Variants in MYO6 observed in about 807,000 individuals in gnomAD.
MYO6 encodes myosin VI, also known as unconventional myosin-VI.
MYO6 carries 74 observed loss-of-function variants against 178.7 expected under a neutral mutation model. That is an observed-to-expected ratio of 0.41 (90% confidence interval 0.34 to 0.50). The LOEUF is 0.50. Ranked by LOEUF, MYO6 falls within the 20% of genes least tolerant of loss-of-function variation. The pLI, the probability that MYO6 is intolerant of heterozygous loss-of-function variation, is 0.09. For missense variants in MYO6, 1,330 were observed against 1,547.4 expected (o/e 0.86, Z 2.36); for synonymous variants, 477 against 504.6 (o/e 0.95, Z 0.73).
chr6:75,836,094 G>C lies in MYO6; in HGVS notation c.553+138G>C, dbSNP rs1266915010. 1.7e-5 allele frequency: 12 copies of C among 715,122 alleles called. No individual in the cohort carries two copies. The East Asian group carries it at 3.2e-4, about 19-fold the overall frequency. 44.3% of individuals were successfully genotyped at this position (715,122 alleles called of 1,614,324 possible). Reference sequence around the variant, plus strand: ...CTAATCATTGCTCATATATCATCTTGTTATTTACCTAATATCAATTGTTTC... The same window carrying C: ...CTAATCATTGCTCATATATCATCTTCTTATTTACCTAATATCAATTGTTTC... On this transcript the variant is annotated intron_variant, in intron 7 of 34. Transcript: ENST00000369977.
intron 12 of MYO6, among the ~76,000 whole-genome samples, chr6:75,856,839 T>C (rs1223156301): frequency 6.6e-6 from 1 of 152,202 alleles, no homozygotes; most frequent in Non-Finnish European, 1.5e-5. Flanking sequence ...GTATTCAGGA[T>C]GTAAATTAAG....
Position 75,908,731 on chromosome 6 carries a change from A to G in MYO6, c.3412+104A>G, listed in dbSNP as rs1030420277. ...AAATGTCCCATATAAATTTTCTCCT[A>G]TTTTAGAACTGTGAGCCATTGAACC... On this transcript the variant is annotated intron_variant, in intron 32 of 34. Coordinates refer to ENST00000369977, the MANE Select transcript of MYO6 (RefSeq NM_004999.4). The G allele has an allele frequency of 4.5e-5, 57 of 1,268,484 alleles. No homozygotes were observed. In the Admixed American group the frequency reaches 7.7e-4, roughly 17 times the overall value. 78.6% of individuals were successfully genotyped at this position (1,268,484 alleles called of 1,614,324 possible).
At chr6:75,853,027 A>G (rs542852293) in intron 11 of MYO6, among the ~76,000 whole-genome samples, 18 of 152,268 alleles carry the variant, frequency 1.2e-4, no homozygotes, top group African/African-American at 3.4e-4. Flanking sequence ...GCTTATAGCA[A>G]TCGTACAGGG....
Position 75,855,230 on chromosome 6 carries a change from G to T in MYO6, c.1170G>T (p.Leu390Phe). ...ACCAAGATGATCTTCGAGTAAGTTT[G>T]ACCACAAGAGTCATGCTAACAACAG... ...GLDQDDLRVS[L>F]TTRVMLTTAG... The change falls in exon 12 of 35, where the codon TTG becomes TTT. Residue 390 changes from leucine (L) to phenylalanine (F), a missense_variant. By Grantham distance (22) the Leu-to-Phe change is conservative. Coordinates refer to ENST00000369977, the MANE Select transcript of MYO6 (RefSeq NM_004999.4). 6.2e-7 allele frequency: 1 copy of T among 1,613,642 alleles called. No individual in the cohort carries two copies. The highest frequency in any genetic ancestry group is 1.1e-5 in the South Asian group (1 of 91,038).
chr6:75,903,427 A>C (rs982674208), intron 30 of MYO6, among the ~76,000 whole-genome samples: 2 of 151,176 alleles, frequency 1.3e-5, no homozygotes, highest in Admixed American at 1.3e-4. Flanking sequence ...GGGTGCATAT[A>C]TATTTAGGAT....
At chr6:75,772,509 A>C (rs1468824858) in intron 1 of MYO6, among the ~76,000 whole-genome samples, 1 of 152,216 alleles carries the variant, frequency 6.6e-6, no homozygotes, top group Non-Finnish European at 1.5e-5. Context: ...TGTTTTACTA[A>C]CCTTACTGAC....
At chr6:75,900,384 G>C (rs915479919) in intron 30 of MYO6, among the ~76,000 whole-genome samples, 10 of 152,102 alleles carry the variant, frequency 6.6e-5, no homozygotes, top group East Asian at 3.9e-4. Context: ...TCTCCACATC[G>C]TCTCCAGCAC....
rs532524214 is a variant in MYO6, at chr6:75,889,945, A to G, written c.2659-112A>G. On this transcript the variant is annotated intron_variant, in intron 25 of 34. Coordinates refer to ENST00000369977, the MANE Select transcript of MYO6 (RefSeq NM_004999.4). ...TTGTAAAAAACAATAAAAACATTAA[A>G]ATTTATCTTAGCCATTTTTCAGTTT... The G allele has an allele frequency of 5.9e-6, 5 of 854,136 alleles. No homozygotes were observed. The East Asian group carries it at 1.3e-4, about 22-fold the overall frequency. 52.9% of individuals were successfully genotyped at this position (854,136 alleles called of 1,614,324 possible).
chr6:75,839,459 A>G (rs941815402), intron 7 of MYO6, among the ~76,000 whole-genome samples: 5 of 152,190 alleles, frequency 3.3e-5, no homozygotes, highest in African/African-American at 1.2e-4. Flanking sequence ...GAGTGCTGGG[A>G]TTACAGGCAT....
chr6:75,756,733 G>A (rs1777390497), intron 1 of MYO6, among the ~76,000 whole-genome samples: 1 of 152,072 alleles, frequency 6.6e-6, no homozygotes, highest in Non-Finnish European at 1.5e-5. Flanking sequence ...CACCTCAGTG[G>A]TGCTGGTGTT....
chr6:75,781,727 C>A (rs1035470429), intron 1 of MYO6, among the ~76,000 whole-genome samples: 2 of 151,874 alleles, frequency 1.3e-5, no homozygotes, highest in South Asian at 4.2e-4. Context: ...CAGAGACCAG[C>A]CTGGCTAATA....
chr6:75,833,947 T>C (rs543889773), intron 6 of MYO6, among the ~76,000 whole-genome samples: 3 of 152,366 alleles, frequency 2.0e-5, no homozygotes, highest in Admixed American at 6.5e-5. Context: ...TATAGATTAC[T>C]GAAAGCCAGC....
At chr6:75,793,133 TG>T (rs1482073848) in intron 1 of MYO6, among the ~76,000 whole-genome samples, 4 of 152,282 alleles carry the variant, frequency 2.6e-5, no homozygotes, top group African/African-American at 9.6e-5. Flanking sequence ...TACTGTACCC[TG>T]GGATTAGTCC....
rs751374840 is a variant in MYO6 at position 75,810,476 on chromosome 6, T to A, written c.-47-7025T>A. 2.0e-5 allele frequency among the ~76,000 whole-genome samples: 3 copies of A among 152,322 alleles called. No homozygotes were observed. In the East Asian group the frequency reaches 5.8e-4, roughly 29 times the overall value. ...AGTCTTATGATCTCTATTTTAATGT[T>A]ATTATTTGTCAGTTGTGCCTAAATT... On this transcript the variant is annotated intron_variant, in intron 1 of 34. Coordinates refer to ENST00000369977, the MANE Select transcript of MYO6 (RefSeq NM_004999.4).
intron 1 of MYO6, among the ~76,000 whole-genome samples, chr6:75,756,608 C>T (rs1373627453): frequency 6.6e-6 from 1 of 152,158 alleles, no homozygotes; most frequent in Non-Finnish European, 1.5e-5. Flanking sequence ...GCTGAGATTA[C>T]AGGCATGAGC....
chr6:75,858,312 T>A (rs1051483664), intron 13 of MYO6, among the ~76,000 whole-genome samples: 1 of 152,120 alleles, frequency 6.6e-6, no homozygotes, highest in African/African-American at 2.4e-5. Context: ...ACCTGTGCTT[T>A]AAAAAATTGT....
intron 18 of MYO6, among the ~76,000 whole-genome samples, chr6:75,869,999 A>G (rs961910166): frequency 6.6e-6 from 1 of 152,024 alleles, no homozygotes; most frequent in Non-Finnish European, 1.5e-5. Context: ...CTGTAATCCC[A>G]GCTACTCGGG....
At chr6:75,786,084 T>A (rs1767537331) in intron 1 of MYO6, among the ~76,000 whole-genome samples, 1 of 151,578 alleles carries the variant, frequency 6.6e-6, no homozygotes, top group Admixed American at 6.6e-5. Flanking sequence ...CCCAGCTAAA[T>A]TTTTTTTGTG....
chr6:75,877,412 G>A (rs9447571), intron 20 of MYO6, among the ~76,000 whole-genome samples: 330 of 151,770 alleles, frequency 2.2e-3, no homozygotes, highest in African/African-American at 7.6e-3. Flanking sequence ...GATTACAGGC[G>A]CCCACCACCA....
Sources: gnomAD v4.1 joint callset for allele counts (sites outside exome capture counted in the v4.1 genomes callset) on GRCh38, gnomAD v4.1.1 for gene constraint, MANE v1.5 for transcripts, NCBI Gene and HGNC (gene_info 2026-07-23, HGNC 2026-07-21) for gene names.